TBC1D30: variants seen among roughly 807,000 people sequenced by gnomAD.
TBC1D30 encodes the protein TBC1 domain family member 30.
TBC1D30 carries 31 observed loss-of-function variants against 63.2 expected under a neutral mutation model. The observed-to-expected ratio is 0.49, with a 90% CI of 0.37 to 0.66. TBC1D30 has a LOEUF of 0.66. TBC1D30 is among the 30% of genes least tolerant of loss of function. TBC1D30 has a pLI of 0.00. For synonymous variants in TBC1D30, 307 were observed against 361.5 expected (o/e 0.85, Z 1.71); for missense variants, 810 against 953.6 (o/e 0.85, Z 1.98).
At chr12:64,842,950 A>G (rs545860853) in intron 7 of TBC1D30, among the ~76,000 whole-genome samples, 2 of 152,292 alleles carry the variant, frequency 1.3e-5, no homozygotes, top group Admixed American at 6.5e-5. Flanking sequence ...CTTTACAAAT[A>G]TCAGGATTTT....
intron 8 of TBC1D30, among the ~76,000 whole-genome samples, chr12:64,861,802 GT>G (rs1346039143): frequency 6.6e-6 from 1 of 152,180 alleles, no homozygotes; most frequent in Non-Finnish European, 1.5e-5. Flanking sequence ...CTAACCCAAA[GT>G]GTTTGTGACT....
At chr12:64,802,621 A>G (rs866609413) in intron 2 of TBC1D30, among the ~76,000 whole-genome samples, 2 of 151,948 alleles carry the variant, frequency 1.3e-5, no homozygotes, top group African/African-American at 4.8e-5. Context: ...TACATTAGGT[A>G]TATCTCCTAA....
At chr12:64,851,251 G>A (rs554776692) in intron 8 of TBC1D30, among the ~76,000 whole-genome samples, 16 of 151,904 alleles carry the variant, frequency 1.1e-4, no homozygotes, top group African/African-American at 3.9e-4. Context: ...TTTTTGAAGG[G>A]TTTTTCATGT....
intron 2 of TBC1D30, among the ~76,000 whole-genome samples, chr12:64,811,531 G>A (rs187399753): frequency 1.1e-4 from 16 of 152,272 alleles, no homozygotes; most frequent in East Asian, 1.9e-4. Flanking sequence ...GATTTCTCCC[G>A]GATGAGTTAC....
At chr12:64,865,985 T>C (rs1878178174) in intron 9 of TBC1D30, among the ~76,000 whole-genome samples, 1 of 152,170 alleles carries the variant, frequency 6.6e-6, no homozygotes, top group African/African-American at 2.4e-5. Context: ...TTTTCCCACC[T>C]TAGTCTCCTA....
intron 1 of TBC1D30, among the ~76,000 whole-genome samples, chr12:64,785,440 G>T (rs987984064): frequency 2.0e-4 from 27 of 134,250 alleles, no homozygotes; most frequent in African/African-American, 7.1e-4. Context: ...GAGCCACCAC[G>T]CCTGGCCTTT....
At chr12:64,760,784 A>G (rs1405282639) in intron 1 of TBC1D30, among the ~76,000 whole-genome samples, 1 of 151,766 alleles carries the variant, frequency 6.6e-6, no homozygotes, top group African/African-American at 2.4e-5. Flanking sequence ...AAAAATAATG[A>G]TGGAAACACG....
At chr12:64,825,071 T>G in intron 1 of TBC1D30, 38 bp downstream of exon 1, 1 of 1,513,048 alleles carries the variant, frequency 6.6e-7, no homozygotes. Context: ...CGCTGTAAAG[T>G]AGCGCCGGGG....
intron 8 of TBC1D30, among the ~76,000 whole-genome samples, chr12:64,845,643 G>A (rs1199388939): frequency 2.6e-5 from 4 of 151,186 alleles, no homozygotes; most frequent in African/African-American, 4.9e-5. Flanking sequence ...GGAGAATGGC[G>A]TGAACCTGGG....
At chr12:64,770,906 G>T (rs1870885467) in intron 1 of TBC1D30, among the ~76,000 whole-genome samples, 1 of 150,964 alleles carries the variant, frequency 6.6e-6, no homozygotes, top group South Asian at 2.1e-4. Context: ...TGGAGATGGG[G>T]TTTCATCATG....
chr12:64,771,914 G>T (rs1405284479), intron 1 of TBC1D30, among the ~76,000 whole-genome samples: 1 of 152,134 alleles, frequency 6.6e-6, no homozygotes, highest in Non-Finnish European at 1.5e-5. Context: ...CAGAAGATTG[G>T]AGAAAGGGAG....
Position 64,866,745 on chromosome 12 carries a change from G to C in TBC1D30, c.1152-19G>C. The C allele has an allele frequency of 6.6e-7, 1 of 1,526,276 alleles. No individual in the cohort carries two copies. Among genetic ancestry groups the C allele is most frequent in the Non-Finnish European group, 8.7e-7 (1 of 1,143,674 alleles). 94.5% of individuals were successfully genotyped at this position (1,526,276 alleles called of 1,614,324 possible). The stretch of plus-strand genomic sequence containing the variant: ...GGTTTTCTTTGTATATTTCTTTTTT[G>C]TCTTTTATGTTTTCCAAGACGACAT... On this transcript the variant is annotated intron_variant, in intron 9 of 11. Coordinates refer to ENST00000539867, the MANE Select transcript of TBC1D30 (RefSeq NM_015279.2).
intron 2 of TBC1D30, among the ~76,000 whole-genome samples, chr12:64,786,639 A>G (rs117815056): frequency 0.016 from 2,463 of 151,986 alleles, 30 homozygotes; most frequent in Middle Eastern, 0.054. Context: ...CTGCGCCTGG[A>G]CAAATTTTTA....
chr12:64,799,451 C>G (rs1017240833), intron 2 of TBC1D30, among the ~76,000 whole-genome samples: 3 of 152,184 alleles, frequency 2.0e-5, no homozygotes, highest in African/African-American at 7.2e-5. Context: ...TCAGAGGTTG[C>G]CTTTGCCATC....
chr12:64,784,305 T>C (rs1204368420), intron 1 of TBC1D30, among the ~76,000 whole-genome samples: 3 of 152,158 alleles, frequency 2.0e-5, no homozygotes, highest in Non-Finnish European at 4.4e-5. Flanking sequence ...GAGAGTTGGC[T>C]GATCCAAAAG....
intron 1 of TBC1D30, among the ~76,000 whole-genome samples, chr12:64,826,557 G>T (rs1363210659): frequency 6.6e-6 from 1 of 152,124 alleles, no homozygotes. Context: ...GCCTTAAAGC[G>T]TGCGCTGGGC....
At chr12:64,834,563 C>G (rs552188421) in intron 5 of TBC1D30, among the ~76,000 whole-genome samples, 5 of 151,736 alleles carry the variant, frequency 3.3e-5, no homozygotes, top group African/African-American at 4.8e-5. Context: ...TACACCACCA[C>G]GCCCAGCAAA....
At position 64,830,436 on chromosome 12, in the gene TBC1D30, C is replaced by T. The variant is rs933089553; in HGVS notation, c.342C>T (p.Thr114=). 6.5e-7 allele frequency: 1 copy of T among 1,535,522 alleles called. No homozygotes were observed. The highest frequency in any genetic ancestry group is 1.2e-5 in the South Asian group (1 of 83,962). The change falls in exon 4 of 12, where the codon ACC becomes ACT. Residue 114 remains threonine (T), a synonymous_variant. Transcript: ENST00000539867. ...LHSIAIDWDK[T]MRFTFNERSN... ...GTATAGCCATTGACTGGGACAAAACCATGCGCTTCACTTTCAATGAAAGGA... is the reference window on the plus strand; with the variant it reads ...GTATAGCCATTGACTGGGACAAAACTATGCGCTTCACTTTCAATGAAAGGA...
chr12:64,791,130 G>A (rs1349473730), intron 2 of TBC1D30, among the ~76,000 whole-genome samples: 1 of 152,214 alleles, frequency 6.6e-6, no homozygotes, highest in Non-Finnish European at 1.5e-5. Flanking sequence ...ATTGACTCAT[G>A]TTACATCATG....
Sources: allele counts gnomAD v4.1 joint callset (sites outside exome capture counted in the v4.1 genomes callset), GRCh38; gene constraint gnomAD v4.1.1; transcripts MANE v1.5; gene names NCBI Gene and HGNC (gene_info 2026-07-23, HGNC 2026-07-21).